Variants in JPH1 observed in about 807,000 individuals in gnomAD.
The protein encoded by JPH1 is junctophilin-1.
In JPH1, 12 loss-of-function variants were observed where a neutral mutation model predicts 53.6. The observed-to-expected ratio is 0.22, with a 90% CI of 0.14 to 0.36. JPH1 has a LOEUF of 0.36. Among genes scored for constraint, JPH1 ranks in the 10% least tolerant of loss-of-function variants. The pLI is 1.00. For missense variants in JPH1, 808 were observed against 905.5 expected (o/e 0.89, Z 1.38); for synonymous variants, 375 against 363.8 (o/e 1.03, Z -0.35).
chr8:74,310,841 TAAATAAC>T (rs1348809056), intron 2 of JPH1, among the ~76,000 whole-genome samples: 1 of 152,176 alleles, frequency 6.6e-6, no homozygotes, highest in Non-Finnish European at 1.5e-5. Context: ...CCCAGGGACT[TAAATAAC>T]AAATAAAAGT....
intron 2 of JPH1, among the ~76,000 whole-genome samples, chr8:74,297,964 CAA>C (rs1207197423): frequency 1.3e-5 from 2 of 152,264 alleles, no homozygotes; most frequent in East Asian, 3.9e-4. Context: ...AATAGTAGCA[CAA>C]AAATAATTCT....
intron 3 of JPH1, among the ~76,000 whole-genome samples, chr8:74,256,136 C>A (rs2131389749): frequency 6.6e-6 from 1 of 152,240 alleles, no homozygotes; most frequent in South Asian, 2.1e-4. Flanking sequence ...AGACTTGGAA[C>A]CAACCCAAAT....
At chr8:74,246,108 G>A (rs16938832) in intron 3 of JPH1, among the ~76,000 whole-genome samples, 2,142 of 152,108 alleles carry the variant, frequency 0.014, 66 homozygotes, top group African/African-American at 0.049. Flanking sequence ...AGTCATGTGC[G>A]TACTTTGGCT....
intron 2 of JPH1, among the ~76,000 whole-genome samples, chr8:74,269,018 C>T (rs1806619892): frequency 6.6e-6 from 1 of 152,182 alleles, no homozygotes; most frequent in Non-Finnish European, 1.5e-5. Flanking sequence ...TTAAAAGTGA[C>T]ATGCACCCTC....
At chr8:74,276,247 G>C (rs1806844357) in intron 2 of JPH1, among the ~76,000 whole-genome samples, 1 of 152,164 alleles carries the variant, frequency 6.6e-6, no homozygotes, top group South Asian at 2.1e-4. Flanking sequence ...AGTCGTGACA[G>C]ATGGAACAGG....
At position 74,267,716 on chromosome 8, in the gene JPH1, C is replaced by A. The variant is rs144939578; in HGVS notation, c.1140-8213G>T. ...TTGACCCAGAAAGGAAGCAGGAAATCTGGATAGTAACCAGAAGGATTAGCT... is the reference window on the plus strand; with the variant it reads ...TTGACCCAGAAAGGAAGCAGGAAATATGGATAGTAACCAGAAGGATTAGCT... On this transcript the variant is annotated intron_variant, in intron 2 of 5. Coordinates refer to ENST00000342232, the MANE Select transcript of JPH1 (RefSeq NM_020647.4). 7.9e-5 allele frequency among the ~76,000 whole-genome samples: 12 copies of A among 152,270 alleles called. No homozygotes were observed. The East Asian group carries it at 2.3e-3, about 29-fold the overall frequency.
rs147455235 is a variant in JPH1 at position 74,237,823 on chromosome 8, C to T, written c.1906-520G>A. Among the ~76,000 whole-genome samples the T allele has an allele frequency of 5.6e-4, 86 of 152,266 alleles. 1 individual carries two copies. The highest frequency in any genetic ancestry group is 2.0e-3 in the African/African-American group (84 of 41,530). ...TCCTCTGTTTGGACACCACCCTTTCCGTTAAGTAAAAGCTGTAAGTGAGAA... is the reference window on the plus strand; with the variant it reads ...TCCTCTGTTTGGACACCACCCTTTCTGTTAAGTAAAAGCTGTAAGTGAGAA... On this transcript the variant is annotated intron_variant, in intron 4 of 5. Coordinates refer to ENST00000342232, the MANE Select transcript of JPH1 (RefSeq NM_020647.4).
intron 2 of JPH1, among the ~76,000 whole-genome samples, chr8:74,271,489 C>G (rs2131406838): frequency 6.6e-6 from 1 of 152,322 alleles, no homozygotes; most frequent in Middle Eastern, 3.4e-3. Context: ...TGTCTTCTGA[C>G]ATGACAACAG....
At chr8:74,306,798 T>C (rs1807848507) in intron 2 of JPH1, among the ~76,000 whole-genome samples, 1 of 152,082 alleles carries the variant, frequency 6.6e-6, no homozygotes, top group Admixed American at 6.6e-5. Context: ...GGTTTCACCA[T>C]GTTGGCCAGG....
chr8:74,245,324 T>C, intron 3 of JPH1, 149 bp from the exon 4 acceptor site: 2 of 708,504 alleles, frequency 2.8e-6, no homozygotes, highest in Non-Finnish European at 4.2e-6. Flanking sequence ...GAAAAGTTTA[T>C]TTATTATGGA....
chr8:74,269,421 C>G (rs935692206), intron 2 of JPH1, among the ~76,000 whole-genome samples: 1 of 152,252 alleles, frequency 6.6e-6, no homozygotes, highest in Non-Finnish European at 1.5e-5. Flanking sequence ...AACTGCTGCT[C>G]TGTCACTCTG....
chr8:74,244,095 C>T (rs1256075263), intron 4 of JPH1, among the ~76,000 whole-genome samples: 8 of 152,268 alleles, frequency 5.3e-5, no homozygotes, highest in African/African-American at 1.4e-4. Context: ...AGATGCTGAC[C>T]GCTGTGGTGA....
At chr8:74,291,017 C>T (rs1473238911) in intron 2 of JPH1, among the ~76,000 whole-genome samples, 3 of 152,210 alleles carry the variant, frequency 2.0e-5, no homozygotes, top group South Asian at 2.1e-4. Context: ...AGACCTAAAA[C>T]CATAAAAACC....
chr8:74,309,390 G>A (rs573407850), intron 2 of JPH1, among the ~76,000 whole-genome samples: 24 of 152,228 alleles, frequency 1.6e-4, no homozygotes, highest in Middle Eastern at 6.8e-3. Context: ...TCTCAGTCGC[G>A]TGAGGCCAGC....
intron 2 of JPH1, among the ~76,000 whole-genome samples, chr8:74,264,455 A>G (rs549901154): frequency 4.0e-4 from 61 of 152,338 alleles, no homozygotes; most frequent in Non-Finnish European, 5.7e-4. Flanking sequence ...TCTAAAAGCA[A>G]TATCAAGTTA....
rs1808100555 is a variant in JPH1, at chr8:74,314,979, T to C, written c.1021A>G (p.Arg341Gly). The change falls in exon 2 of 6, where the codon AGG (arginine) becomes GGG (glycine). Residue 341 changes from arginine to glycine, a missense_variant. This residue lies in a region of JPH1 where 756 missense variants were observed against 811.9 expected (regional missense o/e 0.93). Transcript: ENST00000342232. ...YKNNILVRGI[R>G]KQLIPIRHTK... is the part of the protein sequence containing the mutation. ...TGTCTTATTGGTATAAGCTGCTTCCTTATCCCACGGACCAGAATATTATTT... is the reference window on the plus strand; with the variant it reads ...TGTCTTATTGGTATAAGCTGCTTCCCTATCCCACGGACCAGAATATTATTT... 15 of 1,614,134 alleles carry C rather than the reference T, an allele frequency of 9.3e-6. No individual in the cohort carries two copies. Among genetic ancestry groups the C allele is most frequent in the Non-Finnish European group, 1.3e-5 (15 of 1,180,054 alleles).
rs2131471499 is a variant in JPH1, at chr8:74,320,007, A to T, written c.379+902T>A. Among the ~76,000 whole-genome samples the T allele has an allele frequency of 6.6e-6, 1 of 152,330 alleles. No individual in the cohort carries two copies. The highest frequency in any genetic ancestry group is 6.5e-5 in the Admixed American group (1 of 15,308). On this transcript the variant is annotated intron_variant, in intron 1 of 5. Transcript: ENST00000342232. This position sits in a 1 kb window ranked among gnomAD's most constrained non-coding sequence, Gnocchi z 4.4. ...TATTGTTAAATATTAAAATAAGGTG[A>T]TCTTTGTTCACAGCCAGGAATACTG...
At chr8:74,246,313 A>G (rs1805859166) in intron 3 of JPH1, among the ~76,000 whole-genome samples, 1 of 152,046 alleles carries the variant, frequency 6.6e-6, no homozygotes, top group Non-Finnish European at 1.5e-5. Flanking sequence ...GCATCTGTTC[A>G]TTTTCCTTCC....
chr8:74,313,107 G>A (rs539776157), intron 2 of JPH1, among the ~76,000 whole-genome samples: 4 of 152,200 alleles, frequency 2.6e-5, no homozygotes, highest in African/African-American at 9.7e-5. Context: ...GTTTGTTAAA[G>A]TGTTCTGCAC....
Sources: allele counts gnomAD v4.1 joint callset (sites outside exome capture counted in the v4.1 genomes callset), GRCh38; gene constraint gnomAD v4.1.1; regional missense constraint gnomAD v4.1.1; non-coding constraint Gnocchi (gnomAD v3.1); transcripts MANE v1.5; gene names NCBI Gene and HGNC (gene_info 2026-07-23, HGNC 2026-07-21).